The following ANXA10 variants were observed in gnomAD, a reference collection of about 807,000 sequenced individuals.
The protein encoded by ANXA10 is annexin 14.
Under a neutral mutation model 53.5 loss-of-function variants are expected in ANXA10, and 49 were observed. The ratio of observed to expected loss-of-function variants is 0.92; its 90% CI spans 0.73 to 1.16. The LOEUF (loss-of-function observed/expected upper bound fraction) is 1.16. Ranked by LOEUF, ANXA10 falls within the 50% of genes most tolerant of loss-of-function variation. The probability of loss-of-function intolerance (pLI) is 0.00; values close to 1 mark genes in which losing one functional copy is unlikely to be tolerated. For missense variants in ANXA10, 393 were observed against 394.4 expected (o/e 1.00, Z 0.03); for synonymous variants, 131 against 128.9 (o/e 1.02, Z -0.11).
chr4:168,164,947 G>A (rs1184116316), intron 5 of ANXA10, among the ~76,000 whole-genome samples: 1 of 152,138 alleles, frequency 6.6e-6, no homozygotes, highest in African/African-American at 2.4e-5. Context: ...ATTGGGCTGG[G>A]CAGCATTCTG....
At chr4:168,100,675 C>T (rs540974750) in intron 1 of ANXA10, among the ~76,000 whole-genome samples, 1 of 152,136 alleles carries the variant, frequency 6.6e-6, no homozygotes, top group South Asian at 2.1e-4. Context: ...CGGTTTGAAG[C>T]TAAATTCAAA....
At chr4:168,098,384 T>C (rs1267246719) in intron 1 of ANXA10, among the ~76,000 whole-genome samples, 5 of 152,086 alleles carry the variant, frequency 3.3e-5, no homozygotes, top group Non-Finnish European at 7.4e-5. Context: ...TTAAAGGTCA[T>C]TATTTACCAA....
At chr4:168,149,593 CTT>C (rs1731462661) in intron 3 of ANXA10, among the ~76,000 whole-genome samples, 1 of 151,982 alleles carries the variant, frequency 6.6e-6, no homozygotes, top group African/African-American at 2.4e-5. Context: ...TAGGGAGAAT[CTT>C]TTTCTGTTCT....
At chr4:168,161,632 G>A (rs902325789) in intron 3 of ANXA10, among the ~76,000 whole-genome samples, 3 of 152,070 alleles carry the variant, frequency 2.0e-5, no homozygotes, top group Non-Finnish European at 4.4e-5. Flanking sequence ...GGATAGCATT[G>A]AATCTATAAA....
intron 3 of ANXA10, among the ~76,000 whole-genome samples, chr4:168,149,665 T>A (rs1379757460): frequency 6.6e-6 from 1 of 152,168 alleles, no homozygotes; most frequent in African/African-American, 2.4e-5. Flanking sequence ...TCCATGAGAA[T>A]CACTAGTTTG....
chr4:168,112,310 G>T (rs1390138215), intron 1 of ANXA10, among the ~76,000 whole-genome samples: 5 of 151,942 alleles, frequency 3.3e-5, no homozygotes, highest in Admixed American at 6.6e-5. Flanking sequence ...GTGGCGGGCT[G>T]GGGGGAAGGC....
chr4:168,186,004 A>G (rs1447875000), intron 11 of ANXA10, among the ~76,000 whole-genome samples: 1 of 152,200 alleles, frequency 6.6e-6, no homozygotes, highest in African/African-American at 2.4e-5. Flanking sequence ...CCACTTTCAA[A>G]ACTCTAAACT....
Position 168,164,288 on chromosome 4 carries a change from C to G in ANXA10, c.400C>G (p.Gln134Glu). The G allele has an allele frequency of 6.2e-7, 1 of 1,600,428 alleles. No homozygotes were observed. ...CCAGATGCGAGAAGCCTACTGCTTG[C>G]GTAAGGAAATATACATATGTGAATA... is the stretch of plus-strand genomic sequence containing the variant. ...IFQMREAYCL[Q>E]YSNNLQEDIY... The change falls in exon 5 of 12, where the codon CAA becomes GAA. Residue 134 changes from glutamine to glutamate, a missense_variant and splice_region_variant. Transcript: ENST00000359299.
chr4:168,184,117 T>C (rs1225441216), intron 10 of ANXA10, among the ~76,000 whole-genome samples: 1 of 152,236 alleles, frequency 6.6e-6, no homozygotes, highest in Non-Finnish European at 1.5e-5. Flanking sequence ...GACAAATCAA[T>C]GTCCATCTGA....
chr4:168,155,993 C>CATATATTATAT lies in ANXA10; in HGVS notation c.196-6532_196-6531insTATTATATATA, dbSNP rs1560784153. Among the ~76,000 whole-genome samples, 99 of 23,456 alleles carry CATATATTATAT rather than the reference C, an allele frequency of 4.2e-3. 33 individuals are homozygous for CATATATTATAT. The highest frequency in any genetic ancestry group is 0.016 in the African/African-American group (94 of 5,874). The allele number at this position is 23,456 out of a possible 152,430, so 15.4% of individuals were successfully genotyped here. ...ATTATATGATATATCATATATTATACATAATTTATATTATATGTTATATAT... is the reference window on the plus strand; with the variant it reads ...ATTATATGATATATCATATATTATACATATATTATATATAATTTATATTATATGTTATATAT... On this transcript the variant is annotated intron_variant, in intron 3 of 11. Transcript: ENST00000359299.
chr4:168,161,923 G>A (rs1196839844), intron 3 of ANXA10, among the ~76,000 whole-genome samples: 1 of 151,984 alleles, frequency 6.6e-6, no homozygotes, highest in Non-Finnish European at 1.5e-5. Flanking sequence ...CTTTACATTT[G>A]TAAAATAAAA....
chr4:168,143,133 C>T (rs1042275393), intron 3 of ANXA10, among the ~76,000 whole-genome samples: 5 of 152,046 alleles, frequency 3.3e-5, no homozygotes, highest in African/African-American at 1.2e-4. Context: ...TTCTCTCATT[C>T]CTTGCCCTGG....
rs1391334731 is a variant in ANXA10 at position 168,101,688 on chromosome 4, ATCACTGTT to A, written c.18+8972_18+8979del. ...TAGTTATACTCATTGCTACTGGGGTATCACTGTTTATATGCCCTCTTAAGAGTACAGAG... is the reference window on the plus strand; with the variant it reads ...TAGTTATACTCATTGCTACTGGGGTATATATGCCCTCTTAAGAGTACAGAG... On this transcript the variant is annotated intron_variant, in intron 1 of 11. Coordinates refer to ENST00000359299, the MANE Select transcript of ANXA10 (RefSeq NM_007193.5). 1.6e-4 allele frequency among the ~76,000 whole-genome samples: 24 copies of A among 152,242 alleles called. No individual in the cohort carries two copies. In the East Asian group the frequency reaches 4.4e-3, roughly 28 times the overall value.
chr4:168,182,318 A>ATTTTTTTTTTTTTTTT lies in ANXA10; in HGVS notation c.783+592_783+607dup, dbSNP rs542260478. ...CAGTCGCACATACTTTGGAGCATTA[A>ATTTTTTTTTTTTTTTT]TTTTTTTTTTTTTTTTTTTTTTTTT... is the stretch of plus-strand genomic sequence containing the variant. On this transcript the variant is annotated intron_variant, in intron 10 of 11. Transcript: ENST00000359299. 1.8e-3 allele frequency among the ~76,000 whole-genome samples: 89 copies of ATTTTTTTTTTTTTTTT among 49,754 alleles called. 25 individuals are homozygous for ATTTTTTTTTTTTTTTT. The highest frequency in any genetic ancestry group is 5.9e-3 in the African/African-American group (56 of 9,462). The allele number at this position is 49,754 out of a possible 152,430, so 32.6% of individuals were successfully genotyped here.
chr4:168,183,009 G>GAAAAAAAAAAAAA (rs747151480), intron 10 of ANXA10, among the ~76,000 whole-genome samples: 6 of 93,324 alleles, frequency 6.4e-5, no homozygotes, highest in East Asian at 4.0e-4. Flanking sequence ...CACCGTCTCG[G>GAAAAAAAAAAAAA]AAAAAAAAAA....
Position 168,151,813 on chromosome 4 carries a change from C to T in ANXA10, c.196-10715C>T, listed in dbSNP as rs369689007. Among the ~76,000 whole-genome samples the T allele has an allele frequency of 1.4e-4, 22 of 152,316 alleles. No homozygotes were observed. In the East Asian group the frequency reaches 1.7e-3, roughly 12 times the overall value. On this transcript the variant is annotated intron_variant, in intron 3 of 11. Transcript: ENST00000359299. ...TAGCATGCTATTCCCATTACTATAG[C>T]ACTTACCAAATTTTGTATTGTAATT...
chr4:168,127,741 G>A (rs1485518125), intron 1 of ANXA10: 1 of 496,258 alleles, frequency 2.0e-6, no homozygotes, highest in South Asian at 1.6e-5. Context: ...AACAGGCCTT[G>A]TGTGTATGTT....
At chr4:168,151,180 A>G (rs2149474206) in intron 3 of ANXA10, among the ~76,000 whole-genome samples, 1 of 152,302 alleles carries the variant, frequency 6.6e-6, no homozygotes, top group Non-Finnish European at 1.5e-5. Context: ...TAGAATTAAG[A>G]TAAATTCTAA....
chr4:168,092,831 T>C, intron 1 of ANXA10, 113 bp downstream of exon 1: 1 of 937,920 alleles, frequency 1.1e-6, no homozygotes, highest in Non-Finnish European at 1.5e-6. Flanking sequence ...TAATTTGTTT[T>C]TATTCTTACT....
Sources: gnomAD v4.1 joint callset for allele counts (sites outside exome capture counted in the v4.1 genomes callset) on GRCh38, gnomAD v4.1.1 for gene constraint, MANE v1.5 for transcripts, NCBI Gene and HGNC (gene_info 2026-07-23, HGNC 2026-07-21) for gene names.